The following TRAPPC10 variants were observed in gnomAD, a reference collection of about 807,000 sequenced individuals.
TRAPPC10 encodes the protein trafficking protein particle complex subunit 10, also known as TRAPP 130 kDa subunit.
A neutral mutation model predicts 125.5 loss-of-function variants in TRAPPC10; 23 were observed. That is an observed-to-expected ratio of 0.18 (90% CI 0.13 to 0.26). The LOEUF is 0.26. Among genes scored for constraint, TRAPPC10 ranks in the 10% least tolerant of loss-of-function variants. TRAPPC10 has a pLI of 1.00. For synonymous variants in TRAPPC10, 509 were observed against 518.0 expected (o/e 0.98, Z 0.24); for missense variants, 1,123 against 1,308.4 (o/e 0.86, Z 2.19).
intron 5 of TRAPPC10, among the ~76,000 whole-genome samples, chr21:44,057,386 A>C (rs1044703811): frequency 6.6e-6 from 1 of 151,000 alleles, no homozygotes; most frequent in African/African-American, 2.4e-5. Flanking sequence ...TGCAACCTCC[A>C]TCTCCCAGGT....
chr21:44,055,332 A>G (rs148148084), intron 4 of TRAPPC10, among the ~76,000 whole-genome samples: 4,376 of 152,152 alleles, frequency 0.029, 94 homozygotes, highest in Non-Finnish European at 0.047. Context: ...GCTTATGCCT[A>G]TAATCCCAGC....
intron 2 of TRAPPC10, among the ~76,000 whole-genome samples, chr21:44,034,701 A>C (rs969296018): frequency 6.6e-6 from 1 of 152,212 alleles, no homozygotes; most frequent in Non-Finnish European, 1.5e-5. Flanking sequence ...TATGGTTAAG[A>C]TAAGGACCTC....
At chr21:44,046,511 T>C in intron 3 of TRAPPC10, 1 of 170,162 alleles carries the variant, frequency 5.9e-6, no homozygotes, top group Non-Finnish European at 1.2e-5. Context: ...TTTAAGTTTT[T>C]TTTTTTTTTT....
Position 44,086,863 on chromosome 21 carries a change from G to C in TRAPPC10, c.2442G>C (p.Thr814=), listed in dbSNP as rs761812554. The change falls in exon 16 of 23, where the codon ACG becomes ACC. Residue 814 remains threonine, a synonymous_variant. Transcript: ENST00000291574. ...VKFTVTTGHY[T]IKNGDSLQLS... is the part of the protein sequence containing the mutation. Reference sequence around the variant, plus strand: ...TCACTGTCACTACCGGCCATTATACGATAAAGAATGGAGACAGCCTGCAGC... The same window carrying C: ...TCACTGTCACTACCGGCCATTATACCATAAAGAATGGAGACAGCCTGCAGC... The C allele has an allele frequency of 3.1e-6, 5 of 1,614,194 alleles. No individual in the cohort carries two copies. The South Asian group carries it at 4.4e-5, about 14-fold the overall frequency.
chr21:44,019,723 T>C (rs1447916877), intron 1 of TRAPPC10, among the ~76,000 whole-genome samples: 1 of 152,178 alleles, frequency 6.6e-6, no homozygotes, highest in Non-Finnish European at 1.5e-5. Context: ...AAGGTGACAT[T>C]CACAGGTTTT....
intron 4 of TRAPPC10, 90 bp from the exon 5 acceptor site, chr21:44,055,608 G>C (rs9306172): frequency 0.24 from 247,178 of 1,011,418 alleles, 38,817 homozygotes; most frequent in African/African-American, 0.7. Flanking sequence ...GAGGAAGGAA[G>C]AAAATTGCCG....
chr21:44,086,199 A>G (rs868024400), intron 15 of TRAPPC10, among the ~76,000 whole-genome samples: 1 of 152,068 alleles, frequency 6.6e-6, no homozygotes, highest in Non-Finnish European at 1.5e-5. Flanking sequence ...CTTCCTGCCT[A>G]GTGTCCCCTG....
chr21:44,064,888 A>C (rs2036324888), intron 7 of TRAPPC10, among the ~76,000 whole-genome samples: 2 of 152,240 alleles, frequency 1.3e-5, no homozygotes, highest in Admixed American at 1.3e-4. Context: ...CTAATGAAGC[A>C]AATGAGGAAA....
intron 1 of TRAPPC10, among the ~76,000 whole-genome samples, chr21:44,027,878 C>T (rs552495371): frequency 3.3e-5 from 5 of 152,264 alleles, no homozygotes; most frequent in Admixed American, 3.3e-4. Flanking sequence ...GCCCCTTCCC[C>T]CACGTGAGGG....
At chr21:44,084,058 A>T in intron 14 of TRAPPC10, 64 bp from the exon 15 acceptor site, 1 of 1,598,170 alleles carries the variant, frequency 6.3e-7, no homozygotes, top group Non-Finnish European at 8.5e-7. Flanking sequence ...GCACCGCGCT[A>T]CCGCAGGAAG....
At chr21:44,089,199 T>C (rs2038397191) in intron 17 of TRAPPC10, 2 of 322,974 alleles carry the variant, frequency 6.2e-6, no homozygotes, top group Non-Finnish European at 1.2e-5. Flanking sequence ...ACCTGTGCTA[T>C]GTGCCGTGTT....
Position 44,084,275 on chromosome 21 carries a change from C to T in TRAPPC10, c.2380+12C>T, listed in dbSNP as rs750735126. On this transcript the variant is annotated intron_variant, in intron 15 of 22. Transcript: ENST00000291574. ...GGAGCCGCTGGCTGGTGAGTGGGGT[C>T]CCCAGCCTTTGAGGAGGCGTGCTGC... 1.9e-6 allele frequency: 3 copies of T among 1,611,640 alleles called. No individual in the cohort carries two copies. The highest frequency in any genetic ancestry group is 3.3e-5 in the Admixed American group (2 of 59,724).
intron 1 of TRAPPC10, among the ~76,000 whole-genome samples, chr21:44,014,110 C>T (rs1024470704): frequency 6.6e-6 from 1 of 152,232 alleles, no homozygotes; most frequent in African/African-American, 2.4e-5. Context: ...TTATCTTCTA[C>T]CTCCTAGCTT....
Position 44,083,023 on chromosome 21 carries a change from G to A in TRAPPC10, c.1959G>A (p.Gly653=), listed in dbSNP as rs775035193. The change falls in exon 14 of 23, where the codon GGG becomes GGA. Residue 653 remains glycine (G), a synonymous_variant. Coordinates refer to ENST00000291574, the MANE Select transcript of TRAPPC10 (RefSeq NM_003274.5). ...TTACCAAGCACAAGACGTCCAATGG[G>A]ATCATTAACTTTCCACCCGAGACCG... ...EWLTKHKTSN[G]IINFPPETAP... is the part of the protein sequence containing the mutation. 6.2e-6 allele frequency: 10 copies of A among 1,613,930 alleles called. No homozygotes were observed. The East Asian group carries it at 1.8e-4, about 29-fold the overall frequency.
chr21:44,039,761 A>G (rs2034283053), intron 3 of TRAPPC10, among the ~76,000 whole-genome samples: 2 of 152,208 alleles, frequency 1.3e-5, no homozygotes, highest in South Asian at 4.1e-4. Flanking sequence ...GCTACTCGGT[A>G]GGCTGAGGCA....
chr21:44,057,317 A>G (rs74552843), intron 5 of TRAPPC10, among the ~76,000 whole-genome samples: 1 of 146,292 alleles, frequency 6.8e-6, no homozygotes, highest in South Asian at 2.2e-4. Context: ...TTTTTTTTTT[A>G]TGATGGAGTC....
intron 1 of TRAPPC10, among the ~76,000 whole-genome samples, chr21:44,013,220 C>T (rs1310259020): frequency 6.6e-6 from 1 of 152,192 alleles, no homozygotes; most frequent in Non-Finnish European, 1.5e-5. Flanking sequence ...GGTGTCGTGT[C>T]CTCCCCGCAC....
In TRAPPC10 at chr21:44,084,266, G is replaced by A. The variant is rs2037969735; in HGVS notation, c.2380+3G>A. 3 of 1,613,002 alleles carry A rather than the reference G, an allele frequency of 1.9e-6. No individual in the cohort carries two copies. In the Admixed American group the frequency reaches 5.0e-5, roughly 27 times the overall value. On this transcript the variant is annotated splice_donor_region_variant and intron_variant, in intron 15 of 22. Coordinates refer to ENST00000291574, the MANE Select transcript of TRAPPC10 (RefSeq NM_003274.5). The stretch of plus-strand genomic sequence containing the variant: ...GCTGCACGTGGAGCCGCTGGCTGGT[G>A]AGTGGGGTCCCCAGCCTTTGAGGAG...
intron 2 of TRAPPC10, 58 bp downstream of exon 2, chr21:44,032,230 A>G (rs958466912): frequency 3.7e-6 from 5 of 1,359,626 alleles, no homozygotes; most frequent in East Asian, 2.3e-5. Context: ...AATGAAGTAC[A>G]TGTTTTTAAA....
Sources: gnomAD v4.1 joint callset for allele counts (sites outside exome capture counted in the v4.1 genomes callset) on GRCh38, gnomAD v4.1.1 for gene constraint, MANE v1.5 for transcripts, NCBI Gene and HGNC (gene_info 2026-07-23, HGNC 2026-07-21) for gene names.